Variants in CLVS1 observed in about 807,000 individuals in gnomAD.
CLVS1 encodes the protein clavesin 1, also known as clavesin-1.
In CLVS1, 10 loss-of-function variants were observed where a neutral mutation model predicts 33.1. The ratio of observed to expected loss-of-function variants is 0.30; its 90% CI spans 0.19 to 0.51. CLVS1 has a LOEUF of 0.51. Among genes scored for constraint, CLVS1 ranks in the 20% least tolerant of loss-of-function variants. CLVS1 has a pLI of 0.97. For missense variants in CLVS1, 343 were observed against 433.4 expected (o/e 0.79, Z 1.85); for synonymous variants, 163 against 166.1 (o/e 0.98, Z 0.14).
chr8:61,470,657 C>G (rs1427442870), intron 5 of CLVS1, among the ~76,000 whole-genome samples: 1 of 152,178 alleles, frequency 6.6e-6, no homozygotes, highest in Non-Finnish European at 1.5e-5. Flanking sequence ...AGCAATGAAT[C>G]TGTCTTAGGA....
chr8:61,489,602 G>A (rs1025918017), intron 5 of CLVS1, among the ~76,000 whole-genome samples: 3 of 152,194 alleles, frequency 2.0e-5, no homozygotes, highest in Admixed American at 6.5e-5. Context: ...ATAATGCGAC[G>A]AAATACTTAG....
intron 5 of CLVS1, among the ~76,000 whole-genome samples, chr8:61,475,312 G>C (rs1168128809): frequency 6.6e-6 from 1 of 152,208 alleles, no homozygotes; most frequent in Non-Finnish European, 1.5e-5. Flanking sequence ...TATATACCCA[G>C]TAATGGGATG....
At chr8:61,489,023 A>T (rs775476997) in intron 5 of CLVS1, among the ~76,000 whole-genome samples, 10 of 152,262 alleles carry the variant, frequency 6.6e-5, no homozygotes, top group Admixed American at 4.6e-4. Context: ...GGGTGAATGC[A>T]GTACATTTAG....
intron 2 of CLVS1, among the ~76,000 whole-genome samples, chr8:61,232,023 G>GTTTGTTTTTTTTTTTTTTTTT: frequency 2.2e-4 from 14 of 62,652 alleles, no homozygotes; most frequent in East Asian, 7.0e-4. Context: ...GAAAGTTGTG[G>GTTTGTTTTTTTTTTTTTTTTT]TTTTTTTTTT....
chr8:61,089,885 A>G (rs1805200653), intron 1 of CLVS1, among the ~76,000 whole-genome samples: 1 of 152,178 alleles, frequency 6.6e-6, no homozygotes, highest in South Asian at 2.1e-4. Context: ...TTGCCACTGC[A>G]CTCAAGCCTG....
intron 1 of CLVS1, among the ~76,000 whole-genome samples, chr8:61,112,217 C>CAT (rs1487554433): frequency 1.4e-5 from 2 of 145,478 alleles, no homozygotes; most frequent in Non-Finnish European, 1.5e-5. Flanking sequence ...CACACACACA[C>CAT]ACGCACAGAG....
intron 2 of CLVS1, among the ~76,000 whole-genome samples, chr8:61,215,122 A>T (rs939779447): frequency 9.9e-5 from 15 of 152,182 alleles, no homozygotes; most frequent in African/African-American, 3.4e-4. Context: ...TTATCTTCTG[A>T]AGTTTTATGG....
At chr8:61,150,515 C>A (rs535465762) in intron 2 of CLVS1, among the ~76,000 whole-genome samples, 1 of 152,192 alleles carries the variant, frequency 6.6e-6, no homozygotes, top group African/African-American at 2.4e-5. Flanking sequence ...GTTTGGGAAG[C>A]CTGGCTTTGA....
intron 2 of CLVS1, among the ~76,000 whole-genome samples, chr8:61,303,673 A>T (rs1440747202): frequency 6.6e-6 from 1 of 152,194 alleles, no homozygotes; most frequent in Admixed American, 6.5e-5. Context: ...GTTTGAATTT[A>T]GATATTGTCA....
intron 3 of CLVS1, among the ~76,000 whole-genome samples, chr8:61,390,376 T>C (rs1814256077): frequency 1.3e-5 from 2 of 152,232 alleles, no homozygotes. Flanking sequence ...GCTTTCAGTA[T>C]TGTGTGAAAT....
At chr8:60,995,978 C>T in the CLVS1 span, among the ~76,000 whole-genome samples, 1 of 151,780 alleles carries the variant, frequency 6.6e-6, no homozygotes, top group African/African-American at 2.4e-5. Context: ...CACATGGACA[C>T]AGGAAGGGGA....
intron 3 of CLVS1, among the ~76,000 whole-genome samples, chr8:61,381,243 A>G (rs1210950090): frequency 1.3e-5 from 2 of 152,046 alleles, no homozygotes; most frequent in East Asian, 1.9e-4. Flanking sequence ...CCACTTTAGT[A>G]GAAAAGGAGG....
intron 2 of CLVS1, among the ~76,000 whole-genome samples, chr8:61,205,530 T>A (rs546616555): frequency 2.1e-4 from 32 of 152,374 alleles, no homozygotes; most frequent in Non-Finnish European, 3.5e-4. Flanking sequence ...GTTGCTTTTA[T>A]CTATTGTCTA....
chr8:61,090,588 C>T (rs1462718030), intron 1 of CLVS1, among the ~76,000 whole-genome samples: 1 of 152,086 alleles, frequency 6.6e-6, no homozygotes, highest in Non-Finnish European at 1.5e-5. Context: ...GAGAATCATT[C>T]CCAGGCCCTG....
At chr8:61,297,282 G>A (rs1318848609) in intron 1 of CLVS1, among the ~76,000 whole-genome samples, 1 of 152,168 alleles carries the variant, frequency 6.6e-6, no homozygotes, top group African/African-American at 2.4e-5. Flanking sequence ...AGAATAGGTT[G>A]AAATGCAGAG....
intron 3 of CLVS1, among the ~76,000 whole-genome samples, chr8:61,439,557 A>C (rs978613669): frequency 6.6e-6 from 1 of 152,206 alleles, no homozygotes; most frequent in African/African-American, 2.4e-5. Flanking sequence ...TGCCAAAACA[A>C]GGAAAGGATA....
intron 1 of CLVS1, among the ~76,000 whole-genome samples, chr8:61,085,888 GTGGCGGGCGCGT>G (rs376314614): frequency 8.8e-4 from 133 of 151,630 alleles, no homozygotes; most frequent in African/African-American, 3.0e-3. Flanking sequence ...GCCGGGTATG[GTGGCGGGCGCGT>G]TGGCGGGCGC....
chr8:61,159,300 C>G (rs1188604802), intron 2 of CLVS1, among the ~76,000 whole-genome samples: 2 of 152,196 alleles, frequency 1.3e-5, no homozygotes, highest in Non-Finnish European at 2.9e-5. Flanking sequence ...GCCTTCTTTT[C>G]TACCTTAACC....
Position 61,454,170 on chromosome 8 carries a change from C to A in CLVS1, c.660C>A (p.Val220=). 6.2e-7 allele frequency: 1 copy of A among 1,614,088 alleles called. No homozygotes were observed. The highest frequency in any genetic ancestry group is 1.1e-5 in the South Asian group (1 of 91,076). The change falls in exon 4 of 6, where the codon GTC becomes GTA. Residue 220 remains valine (V), a synonymous_variant. Transcript: ENST00000325897. ...GCTTTCCTGCCCGCTTTGGAGGAGT[C>A]CACTTTGTCAACCAGCCCTGGTACA... is the stretch of plus-strand genomic sequence containing the variant. ...QDSFPARFGG[V]HFVNQPWYIH... is the part of the protein sequence containing the mutation.
Sources: gnomAD v4.1 joint callset for allele counts (sites outside exome capture counted in the v4.1 genomes callset) on GRCh38, gnomAD v4.1.1 for gene constraint, MANE v1.5 for transcripts, NCBI Gene and HGNC (gene_info 2026-07-23, HGNC 2026-07-21) for gene names.